Variants in LIMA1 observed in about 807,000 individuals in gnomAD.
LIMA1 encodes the protein LIM domain and actin-binding protein 1.
A neutral mutation model predicts 62.6 loss-of-function variants in LIMA1; 52 were observed. The ratio of observed to expected loss-of-function variants is 0.83; its 90% CI spans 0.67 to 1.05. LIMA1 has a LOEUF of 1.05. LIMA1 is among the 50% of genes least tolerant of loss of function. The probability of loss-of-function intolerance (pLI) is 0.00; values close to 1 mark genes in which losing one functional copy is unlikely to be tolerated. For synonymous variants in LIMA1, 302 were observed against 317.8 expected (o/e 0.95, Z 0.53); for missense variants, 780 against 902.2 (o/e 0.86, Z 1.74).
chr12:50,241,172 G>A lies in LIMA1; in HGVS notation c.119+7461C>T, dbSNP rs190566408. 7.6e-4 allele frequency among the ~76,000 whole-genome samples: 115 copies of A among 152,098 alleles called. 1 individual carries two copies. The highest frequency in any genetic ancestry group is 1.3e-3 in the Non-Finnish European group (91 of 67,992). On this transcript the variant is annotated intron_variant, in intron 2 of 10. Coordinates refer to ENST00000341247, the MANE Select transcript of LIMA1 (RefSeq NM_016357.5). ...AACGCTTTGGGGAATGTCCTTTTAC[G>A]TATATTTTTCCCACTTGTACTAATA...
intron 4 of LIMA1, chr12:50,219,595 T>TA (rs1330965881): frequency 6.6e-6 from 1 of 152,234 alleles, no homozygotes. Flanking sequence ...TTCCACTCCC[T>TA]AAGCAGTCCA....
At chr12:50,239,100 G>A (rs958297380) in intron 2 of LIMA1, among the ~76,000 whole-genome samples, 2 of 151,966 alleles carry the variant, frequency 1.3e-5, no homozygotes, top group African/African-American at 2.4e-5. Flanking sequence ...AAAAAGTAAC[G>A]AAAGAAATAA....
chr12:50,272,601 A>T (rs1017109536), intron 1 of LIMA1, among the ~76,000 whole-genome samples: 1 of 151,612 alleles, frequency 6.6e-6, no homozygotes, highest in Non-Finnish European at 1.5e-5. Context: ...TCAAAAAAAA[A>T]AAAAAAAAAT....
intron 1 of LIMA1, among the ~76,000 whole-genome samples, chr12:50,278,800 A>T (rs998431810): frequency 6.6e-6 from 1 of 152,138 alleles, no homozygotes; most frequent in Non-Finnish European, 1.5e-5. Context: ...AATATAAAGC[A>T]AAAAAAGCAG....
At chr12:50,201,151 C>T in intron 6 of LIMA1, 2 of 1,184,588 alleles carry the variant, frequency 1.7e-6, no homozygotes, top group Non-Finnish European at 2.1e-6. Flanking sequence ...AACACAGGCA[C>T]ACAGAACACC....
chr12:50,196,535 A>C (rs1041738903), intron 7 of LIMA1, among the ~76,000 whole-genome samples: 1 of 152,208 alleles, frequency 6.6e-6, no homozygotes. Flanking sequence ...CATCAAATTT[A>C]AATAAAAGAA....
At chr12:50,219,404 G>T (rs1383908157) in intron 4 of LIMA1, among the ~76,000 whole-genome samples, 1 of 152,112 alleles carries the variant, frequency 6.6e-6, no homozygotes, top group African/African-American at 2.4e-5. Flanking sequence ...AGAATTACTT[G>T]AACCTGGGAG....
At chr12:50,196,023 C>T (rs1337195139) in intron 7 of LIMA1, 136 bp from the exon 8 acceptor site, 4 of 804,644 alleles carry the variant, frequency 5.0e-6, no homozygotes, top group Non-Finnish European at 7.4e-6. Context: ...AAATAACGGG[C>T]ACCAGAACAG....
chr12:50,211,611 C>T (rs1053118175), intron 4 of LIMA1, among the ~76,000 whole-genome samples: 1 of 152,148 alleles, frequency 6.6e-6, no homozygotes, highest in African/African-American at 2.4e-5. Context: ...TGCCCCGGCA[C>T]TCCAGCCTGG....
At chr12:50,201,308 A>G (rs1375717150) in intron 6 of LIMA1, 78 of 990,652 alleles carry the variant, frequency 7.9e-5, no homozygotes, top group Non-Finnish European at 9.2e-5. Flanking sequence ...CTGACCATAC[A>G]TATATAAATG....
chr12:50,183,221 T>C (rs1164949988), intron 9 of LIMA1, among the ~76,000 whole-genome samples: 1 of 151,444 alleles, frequency 6.6e-6, no homozygotes, highest in East Asian at 1.9e-4. Flanking sequence ...AGAAAAGAAA[T>C]AGTTACATGG....
chr12:50,221,016 G>A (rs547982370), intron 4 of LIMA1, among the ~76,000 whole-genome samples: 3 of 152,284 alleles, frequency 2.0e-5, no homozygotes, highest in Admixed American at 6.5e-5. Flanking sequence ...GTCATGGGAA[G>A]GGATTGACAA....
At chr12:50,275,782 G>C (rs1942269644) in intron 1 of LIMA1, among the ~76,000 whole-genome samples, 1 of 152,174 alleles carries the variant, frequency 6.6e-6, no homozygotes, top group Non-Finnish European at 1.5e-5. Context: ...CACAGTGCCA[G>C]GTGGGTGGGT....
At chr12:50,267,434 C>T (rs148543795) in intron 1 of LIMA1, among the ~76,000 whole-genome samples, 293 of 149,536 alleles carry the variant, frequency 2.0e-3, no homozygotes, top group African/African-American at 6.9e-3. Flanking sequence ...CCAGGCTGGT[C>T]TCGAACTTCT....
intron 1 of LIMA1, among the ~76,000 whole-genome samples, chr12:50,256,853 G>C (rs1942003344): frequency 6.6e-6 from 1 of 152,172 alleles, no homozygotes; most frequent in Non-Finnish European, 1.5e-5. Flanking sequence ...TCTCAGATTA[G>C]ATTGAGATTA....
At chr12:50,263,845 T>TAGAG (rs1285552114) in intron 1 of LIMA1, among the ~76,000 whole-genome samples, 12 of 104,336 alleles carry the variant, frequency 1.2e-4, no homozygotes, top group African/African-American at 4.9e-4. Flanking sequence ...TATATATATA[T>TAGAG]ATATATAGAG....
chr12:50,256,625 T>C (rs1942000382), intron 1 of LIMA1, among the ~76,000 whole-genome samples: 1 of 152,192 alleles, frequency 6.6e-6, no homozygotes, highest in Non-Finnish European at 1.5e-5. Flanking sequence ...TTTCCTTGTC[T>C]TTCATGACCT....
At chr12:50,263,707 G>C (rs1425932939) in intron 1 of LIMA1, among the ~76,000 whole-genome samples, 1 of 151,152 alleles carries the variant, frequency 6.6e-6, no homozygotes, top group African/African-American at 2.4e-5. Context: ...AAATGGTGCA[G>C]CCACTTTGGA....
At chr12:50,205,905 A>G in intron 5 of LIMA1, 79 bp downstream of exon 5, 3 of 980,460 alleles carry the variant, frequency 3.1e-6, no homozygotes, top group Non-Finnish European at 4.5e-6. Flanking sequence ...CTTTAAAAGC[A>G]TTGGCTTCGA....
Sources: gnomAD v4.1 joint callset for allele counts (sites outside exome capture counted in the v4.1 genomes callset) on GRCh38, gnomAD v4.1.1 for gene constraint, MANE v1.5 for transcripts, NCBI Gene and HGNC (gene_info 2026-07-23, HGNC 2026-07-21) for gene names.